Variants in NLRP1 observed in about 807,000 individuals in gnomAD.
NLRP1 encodes NACHT, LRR and PYD domains-containing protein 1.
NLRP1 carries 94 observed loss-of-function variants against 136.7 expected under a neutral mutation model. The observed-to-expected ratio is 0.69, with a 90% CI of 0.58 to 0.82. NLRP1 has a LOEUF of 0.82. NLRP1 is among the 40% of genes least tolerant of loss of function. NLRP1 has a pLI of 0.00. For synonymous variants in NLRP1, 690 were observed against 725.1 expected, an observed-to-expected ratio of 0.95 and a Z score of 0.78; for missense variants, 1,575 against 1,802.7, an observed-to-expected ratio of 0.87 and a Z score of 2.29.
chr17:5,542,590 C>G (rs142247978), intron 5 of NLRP1, among the ~76,000 whole-genome samples: 35 of 152,274 alleles, frequency 2.3e-4, no homozygotes, highest in African/African-American at 8.2e-4. Flanking sequence ...ACTCCCTGCT[C>G]CTTTCTGCTT....
intron 4 of NLRP1, among the ~76,000 whole-genome samples, chr17:5,556,118 A>T: frequency 2.9e-5 from 1 of 34,914 alleles, no homozygotes; most frequent in Admixed American, 4.1e-4. Flanking sequence ...CTCTCTCTAC[A>T]CACACACACA....
chr17:5,541,801 G>A lies in NLRP1; in HGVS notation c.2699+56C>T. Reference sequence around the variant, plus strand: ...TTCTCTCTGCTCTTACCCTCTGCCTGCCTCATGGTGGCAGGCAGTTCCCTC... The same window carrying A: ...TTCTCTCTGCTCTTACCCTCTGCCTACCTCATGGTGGCAGGCAGTTCCCTC... On this transcript the variant is annotated intron_variant, in intron 6 of 16. Coordinates refer to ENST00000572272, the MANE Select transcript of NLRP1 (RefSeq NM_033004.4). The surrounding 1 kb of genome is among the most constrained non-coding windows in gnomAD (Gnocchi z 4.2). 1 of 1,568,378 alleles carries A rather than the reference G, an allele frequency of 6.4e-7. No individual in the cohort carries two copies. Among genetic ancestry groups the A allele is most frequent in the Admixed American group, 1.7e-5 (1 of 59,468 alleles).
chr17:5,522,647 C>T (rs767485454), intron 12 of NLRP1, among the ~76,000 whole-genome samples: 7 of 152,328 alleles, frequency 4.6e-5, no homozygotes, highest in Middle Eastern at 3.4e-3. Flanking sequence ...GAAATTGTGC[C>T]ACCAGGTGGG....
intron 15 of NLRP1, among the ~76,000 whole-genome samples, chr17:5,506,301 A>G (rs1238635698): frequency 6.9e-6 from 1 of 144,804 alleles, no homozygotes; most frequent in African/African-American, 2.7e-5. Context: ...AAAAAAAAAA[A>G]TCATCAAACA....
intron 3 of NLRP1, among the ~76,000 whole-genome samples, chr17:5,572,234 C>T (rs936498060): frequency 2.6e-5 from 4 of 152,038 alleles, no homozygotes; most frequent in Non-Finnish European, 4.4e-5. Flanking sequence ...GCAATGAAAA[C>T]AAAAATTGAC....
chr17:5,533,415 A>G, intron 9 of NLRP1, 31 bp from the exon 10 acceptor site: 1 of 814,402 alleles, frequency 1.2e-6, no homozygotes, highest in East Asian at 2.7e-5. Context: ...TCAGCCAGGC[A>G]TGGTGGTGAG....
chr17:5,581,951 C>A lies in NLRP1; in HGVS notation c.560G>T (p.Gly187Val), dbSNP rs201496500. 1 of 1,613,672 alleles carries A rather than the reference C, an allele frequency of 6.2e-7. No individual in the cohort carries two copies. The highest frequency in any genetic ancestry group is 1.3e-5 in the African/African-American group (1 of 74,880). Residue 187 changes from glycine to valine, a missense_variant, in exon 3 of 17, where the codon GGA becomes GTA. By Grantham distance (109) the Gly-to-Val change is moderately radical. Transcript: ENST00000572272. ...TGCTAGGCTGGGCTGAGGTGGGGATCCCCAGCTCCCCAGCACTGCTGTGGA... is the reference window on the plus strand; with the variant it reads ...TGCTAGGCTGGGCTGAGGTGGGGATACCCAGCTCCCCAGCACTGCTGTGGA... ...PTSTAVLGSW[G>V]SPPQPSLAPR...
intron 14 of NLRP1, among the ~76,000 whole-genome samples, chr17:5,519,848 CTTTTTTTTTT>C (rs755028729): frequency 2.2e-5 from 2 of 90,264 alleles, no homozygotes; most frequent in African/African-American, 8.7e-5. Flanking sequence ...TAAATCAGGT[CTTTTTTTTTT>C]TTTTTTTTTT....
exon 16 of NLRP1, chr17:5,501,664 T>G: frequency 1.6e-6 from 1 of 609,638 alleles, no homozygotes; most frequent in Non-Finnish European, 3.0e-6. Context: ...TCCAGCCTTT[T>G]GAGCATCTCG....
intron 9 of NLRP1, 71 bp downstream of exon 9, chr17:5,533,826 G>GGAA (rs1489508564): frequency 3.0e-6 from 3 of 1,015,010 alleles, no homozygotes; most frequent in Non-Finnish European, 4.6e-6. Context: ...AGGGATGGAG[G>GGAA]GAATGACCTC....
At chr17:5,566,123 CT>C (rs1915304621) in intron 3 of NLRP1, among the ~76,000 whole-genome samples, 3 of 151,952 alleles carry the variant, frequency 2.0e-5, no homozygotes. Flanking sequence ...AAAAAATCAA[CT>C]TTTTGTTTCA....
rs756095934 is a variant in NLRP1, at chr17:5,558,559, G to A, written c.2137C>T (p.Pro713Ser). Residue 713 changes from proline (P) to serine (S), a missense_variant, in exon 4 of 17, where the codon CCA (proline) becomes TCA (serine). Physicochemically the swap from Pro to Ser is moderately conservative, Grantham distance 74. Coordinates refer to ENST00000572272, the MANE Select transcript of NLRP1 (RefSeq NM_033004.4). ...CAGTGGAGGGACTCCAGAGAGTGTG[G>A]CTGCAGCAGCAGCTGCAGGGACGGG... is the stretch of plus-strand genomic sequence containing the variant. ...WVPSLQLLLQPHSLESLHCLY... is the reference protein window; with the variant it reads ...WVPSLQLLLQSHSLESLHCLY... 1.2e-6 allele frequency: 2 copies of A among 1,613,942 alleles called. No individual in the cohort carries two copies. Among genetic ancestry groups the A allele is most frequent in the Non-Finnish European group, 1.7e-6 (2 of 1,179,900 alleles).
At position 5,584,339 on chromosome 17, in the gene NLRP1, T is replaced by C; in HGVS notation, c.-382A>G. The C allele has an allele frequency of 4.1e-6, 1 of 246,232 alleles. No individual in the cohort carries two copies. 15.3% of individuals were successfully genotyped at this position (246,232 alleles called of 1,614,324 possible). A position where few individuals can be genotyped will look rare whatever the true frequency, so the allele number is the denominator to read the frequency against. ...TTCCCTCTCCTGGGTCCTGGACTCC[T>C]GAGATCAACCCTTGAGCTGCAAGGC... is the stretch of plus-strand genomic sequence containing the variant. On this transcript the variant is annotated 5_prime_UTR_variant, in exon 1 of 17. Transcript: ENST00000572272.
intron 3 of NLRP1, among the ~76,000 whole-genome samples, chr17:5,564,448 GT>G (rs1358419629): frequency 6.6e-6 from 1 of 152,144 alleles, no homozygotes; most frequent in African/African-American, 2.4e-5. Flanking sequence ...GTGAGAACAT[GT>G]GATGTTTGTC....
intron 3 of NLRP1, among the ~76,000 whole-genome samples, chr17:5,571,036 A>G (rs756486679): frequency 3.3e-5 from 5 of 152,230 alleles, no homozygotes; most frequent in Non-Finnish European, 5.9e-5. Flanking sequence ...TAGATGCAGA[A>G]AAAGCATTTG....
chr17:5,579,141 T>C (rs1306608201), intron 3 of NLRP1, among the ~76,000 whole-genome samples: 1 of 151,912 alleles, frequency 6.6e-6, no homozygotes, highest in Non-Finnish European at 1.5e-5. Context: ...GGGATAGCAT[T>C]AGGAGATATA....
In NLRP1 at chr17:5,559,808, G is replaced by C; in HGVS notation, c.888C>G (p.Val296=). The part of the protein sequence containing the change: ...RPHPRSQDPL[V]KRSWPDYVEE... The stretch of plus-strand genomic sequence containing the variant: ...CCACATAATCAGGCCAGCTTCTCTT[G>C]ACCAGGGGATCTTGGCTTCTGGGGT... Residue 296 remains valine, a synonymous_variant, in exon 4 of 17, where the codon GTC becomes GTG. Coordinates refer to ENST00000572272, the MANE Select transcript of NLRP1 (RefSeq NM_033004.4). 6.2e-7 allele frequency: 1 copy of C among 1,614,234 alleles called. No homozygotes were observed. The highest frequency in any genetic ancestry group is 8.5e-7 in the Non-Finnish European group (1 of 1,180,038).
chr17:5,513,459 A>T (rs1907764350), downstream of NLRP1, among the ~76,000 whole-genome samples: 1 of 152,206 alleles, frequency 6.6e-6, no homozygotes, highest in African/African-American at 2.4e-5. Flanking sequence ...TTGATTTTAA[A>T]AATATTTGTT....
exon 16 of NLRP1, chr17:5,501,866 T>G: frequency 6.2e-7 from 1 of 1,613,802 alleles, no homozygotes; most frequent in Non-Finnish European, 8.5e-7. Context: ...CTGGCTGGTG[T>G]TCCTTCCTGG....
Sources: gnomAD v4.1 joint callset for allele counts (sites outside exome capture counted in the v4.1 genomes callset) on GRCh38, gnomAD v4.1.1 for gene constraint, Gnocchi (gnomAD v3.1) non-coding constraint, MANE v1.5 for transcripts, NCBI Gene and HGNC (gene_info 2026-07-23, HGNC 2026-07-21) for gene names.